The following UGT2B7 variants were observed in gnomAD, a reference collection of about 807,000 sequenced individuals.
UGT2B7 encodes UDP-glucuronosyltransferase 2B7.
A neutral mutation model predicts 51.9 loss-of-function variants in UGT2B7; 51 were observed. That is an observed-to-expected ratio of 0.98 (90% CI 0.78 to 1.24). The LOEUF is 1.24. UGT2B7 is among the 50% of genes most tolerant of loss of function. UGT2B7 has a pLI of 0.00. For missense variants in UGT2B7, 727 were observed against 628.4 expected (o/e 1.16, Z -1.68); for synonymous variants, 225 against 211.6 (o/e 1.06, Z -0.55).
At chr4:69,082,726 A>G (rs1364109497) in intron 1 of UGT2B7, among the ~76,000 whole-genome samples, 23 of 152,164 alleles carry the variant, frequency 1.5e-4, no homozygotes, top group Admixed American at 1.5e-3. Flanking sequence ...GCAAGTGCCA[A>G]TGTAGAAGCT....
intron 1 of UGT2B7, among the ~76,000 whole-genome samples, chr4:69,084,347 C>A (rs202106111): frequency 7.8e-5 from 1 of 12,752 alleles, no homozygotes; most frequent in Admixed American, 6.9e-4. Flanking sequence ...TCTCTAGCTC[C>A]TTCTTTCTGG....
chr4:69,099,606 A>G (rs1380288658), intron 2 of UGT2B7, among the ~76,000 whole-genome samples: 3 of 152,028 alleles, frequency 2.0e-5, no homozygotes, highest in Non-Finnish European at 2.9e-5. Flanking sequence ...AGAAATCATT[A>G]TGCCCACATT....
At chr4:69,077,863 C>T (rs903174366) in intron 1 of UGT2B7, among the ~76,000 whole-genome samples, 2 of 152,164 alleles carry the variant, frequency 1.3e-5, no homozygotes, top group African/African-American at 2.4e-5. Flanking sequence ...TGCCAATTTT[C>T]AAAGGGAATG....
At chr4:69,077,478 T>C (rs1021282079) in intron 1 of UGT2B7, among the ~76,000 whole-genome samples, 3 of 152,182 alleles carry the variant, frequency 2.0e-5, no homozygotes, top group Non-Finnish European at 4.4e-5. Context: ...GGTTTGTAGA[T>C]CTCCTTGAAG....
chr4:69,106,226 A>T, intron 3 of UGT2B7, among the ~76,000 whole-genome samples: 1 of 152,154 alleles, frequency 6.6e-6, no homozygotes, highest in Middle Eastern at 3.4e-3. Context: ...GGCTAAAATC[A>T]GTTAATTATT....
At chr4:69,082,319 G>A (rs1421660292) in intron 1 of UGT2B7, among the ~76,000 whole-genome samples, 1 of 151,528 alleles carries the variant, frequency 6.6e-6, no homozygotes, top group Non-Finnish European at 1.5e-5. Context: ...AATAATTAAG[G>A]AACATGAGGA....
At position 69,102,939 on chromosome 4, in the gene UGT2B7, G is replaced by C. The variant is rs768590547; in HGVS notation, c.1002+1G>C. 1.2e-6 allele frequency: 2 copies of C among 1,612,054 alleles called. No individual in the cohort carries two copies. Among genetic ancestry groups the C allele is most frequent in the East Asian group, 4.5e-5 (2 of 44,838 alleles). ...AGCCCTGGCCCAGATCCCACAAAAG[G>C]TAAGATGAAGTGCCTTACTGGTGTG... On this transcript the variant is annotated splice_donor_variant, in intron 3 of 5. Coordinates refer to ENST00000305231, the MANE Select transcript of UGT2B7 (RefSeq NM_001074.4). LOFTEE classifies it high-confidence loss of function.
At chr4:69,076,795 C>G (rs962442536) in intron 1 of UGT2B7, among the ~76,000 whole-genome samples, 4 of 152,144 alleles carry the variant, frequency 2.6e-5, no homozygotes, top group Admixed American at 1.3e-4. Context: ...AATTAGATCC[C>G]ATTTGTGTAT....
intron 1 of UGT2B7, among the ~76,000 whole-genome samples, chr4:69,052,432 G>T (rs1263580699): frequency 1.3e-5 from 2 of 151,852 alleles, no homozygotes; most frequent in African/African-American, 2.4e-5. Flanking sequence ...AAACTTACAA[G>T]GTTTTCAACA....
At chr4:69,074,321 G>A (rs1217899227) in intron 1 of UGT2B7, among the ~76,000 whole-genome samples, 1 of 151,792 alleles carries the variant, frequency 6.6e-6, no homozygotes, top group African/African-American at 2.4e-5. Flanking sequence ...AGCCTGGACA[G>A]CAGAGTGAGA....
chr4:69,087,649 T>C (rs1378966455), intron 1 of UGT2B7, among the ~76,000 whole-genome samples: 4 of 152,034 alleles, frequency 2.6e-5, no homozygotes, highest in African/African-American at 9.7e-5. Flanking sequence ...GCCTTATCTT[T>C]TGTTTCGGAA....
At position 69,054,340 on chromosome 4, in the gene UGT2B7, C is replaced by T. The variant is rs553222469; in HGVS notation, c.-159+2738C>T. Reference sequence around the variant, plus strand: ...AAGGCTGGCCCCCATGTCCAAGGGCCCTGGCAGCAATGGCCCTGTTACCAC... The same window carrying T: ...AAGGCTGGCCCCCATGTCCAAGGGCTCTGGCAGCAATGGCCCTGTTACCAC... On this transcript the variant is annotated intron_variant, in intron 1 of 5. Coordinates refer to the UGT2B7 transcript ENST00000502942. 8.9e-4 allele frequency among the ~76,000 whole-genome samples: 136 copies of T among 152,186 alleles called. 2 individuals carry two copies. The South Asian group carries it at 0.027, about 30-fold the overall frequency.
At chr4:69,091,733 C>T (rs574800412), upstream of UGT2B7, among the ~76,000 whole-genome samples, 1 of 152,206 alleles carries the variant, frequency 6.6e-6, no homozygotes, top group Admixed American at 6.5e-5. Flanking sequence ...TCCTGGTTGG[C>T]CTTGTGACAT....
At chr4:69,101,348 A>G (rs1025903857) in intron 2 of UGT2B7, among the ~76,000 whole-genome samples, 2 of 151,994 alleles carry the variant, frequency 1.3e-5, no homozygotes, top group African/African-American at 4.8e-5. Context: ...ATTTAAAAAA[A>G]TTTTTTTCAT....
At chr4:69,068,755 G>T (rs4694160) in intron 1 of UGT2B7, among the ~76,000 whole-genome samples, 1 of 151,588 alleles carries the variant, frequency 6.6e-6, no homozygotes, top group Admixed American at 6.6e-5. Flanking sequence ...TACCTCCATT[G>T]CTATTGCTAC....
chr4:69,108,312 A>G lies in UGT2B7; in HGVS notation c.1300A>G (p.Asn434Asp). The G allele has an allele frequency of 6.2e-7, 1 of 1,613,416 alleles. No individual in the cohort carries two copies. The highest frequency in any genetic ancestry group is 1.1e-5 in the South Asian group (1 of 91,064). The change falls in exon 5 of 6, where the codon AAT becomes GAT. Residue 434 changes from asparagine to aspartate, a missense_variant. Asn to Asp is a conservative substitution (Grantham distance 23). Coordinates refer to ENST00000305231, the MANE Select transcript of UGT2B7 (RefSeq NM_001074.4). ...DLLNALKRVINDPSYKENVMK... is the reference protein window; with the variant it reads ...DLLNALKRVIDDPSYKENVMK... ...GCTGAATGCATTGAAGAGAGTAATT[A>G]ATGATCCTTCGTGAGTAGAACAATA... is the stretch of plus-strand genomic sequence containing the variant.
At chr4:69,099,656 A>C (rs1719363459) in intron 2 of UGT2B7, among the ~76,000 whole-genome samples, 1 of 152,046 alleles carries the variant, frequency 6.6e-6, no homozygotes, top group Non-Finnish European at 1.5e-5. Context: ...TTGAGTGGAA[A>C]AATATTAACA....
At chr4:69,099,193 G>A (rs1719345146) in intron 2 of UGT2B7, among the ~76,000 whole-genome samples, 1 of 148,064 alleles carries the variant, frequency 6.8e-6, no homozygotes, top group South Asian at 2.2e-4. Context: ...TGCAGTCACT[G>A]ATTAGTAAGA....
chr4:69,108,549 A>T (rs35402056), intron 5 of UGT2B7, among the ~76,000 whole-genome samples: 89,618 of 151,958 alleles, frequency 0.59, 27,774 homozygotes, highest in African/African-American at 0.76. Flanking sequence ...CACAAAAATA[A>T]TTTTAAAAGG....
Sources: allele counts gnomAD v4.1 joint callset (sites outside exome capture counted in the v4.1 genomes callset), GRCh38; gene constraint gnomAD v4.1.1; transcripts MANE v1.5; gene names NCBI Gene and HGNC (gene_info 2026-07-23, HGNC 2026-07-21).